DISP1: variants seen among roughly 807,000 people sequenced by gnomAD.
DISP1 encodes protein dispatched homolog 1.
A neutral mutation model predicts 37.3 loss-of-function variants in DISP1; 30 were observed. That is an observed-to-expected ratio of 0.80 (90% CI 0.60 to 1.09). DISP1 has a LOEUF of 1.09. DISP1 is among the 50% of genes least tolerant of loss of function. The pLI, the probability that DISP1 is intolerant of heterozygous loss-of-function variation, is 0.00. For missense variants in DISP1, 1,598 were observed against 1,879.5 expected, an observed-to-expected ratio of 0.85 and a Z score of 2.77; for synonymous variants, 634 against 690.2, an observed-to-expected ratio of 0.92 and a Z score of 1.28.
chr1:222,926,208 C>T (rs35712413), intron 1 of DISP1, among the ~76,000 whole-genome samples: 10,482 of 152,122 alleles, frequency 0.069, 514 homozygotes, highest in East Asian at 0.25. Context: ...TTTCACTTAA[C>T]GCAGTGTTTT....
Position 222,901,225 on chromosome 1 carries a change from C to A in DISP1, c.-158-27205C>A, listed in dbSNP as rs191805113. On this transcript the variant is annotated intron_variant, in intron 1 of 8. Coordinates refer to ENST00000675850, the MANE Select transcript of DISP1 (RefSeq NM_001377229.1). ...ATTCTTAGTGAAGTAGGTCATGAAC[C>A]AAACTTGAGGACGAAGGATTTGTGA... is the stretch of plus-strand genomic sequence containing the variant. Among the ~76,000 whole-genome samples the A allele has an allele frequency of 1.1e-4, 16 of 152,062 alleles. No individual in the cohort carries two copies. The East Asian group carries it at 2.9e-3, about 28-fold the overall frequency.
chr1:222,874,375 A>G (rs1314300291), intron 1 of DISP1, among the ~76,000 whole-genome samples: 1 of 152,182 alleles, frequency 6.6e-6, no homozygotes, highest in Non-Finnish European at 1.5e-5. Flanking sequence ...AGTGTTTTCC[A>G]ACTTGGTTCC....
intron 2 of DISP1, among the ~76,000 whole-genome samples, chr1:222,937,613 C>G (rs895646969): frequency 6.6e-6 from 1 of 151,868 alleles, no homozygotes; most frequent in Non-Finnish European, 1.5e-5. Flanking sequence ...CCTTGTAGCC[C>G]CAAAATTGCT....
At chr1:222,836,819 A>G (rs1667195948) in intron 1 of DISP1, 1 of 310,222 alleles carries the variant, frequency 3.2e-6, no homozygotes, top group African/African-American at 2.2e-5. Flanking sequence ...TGGAGACAGT[A>G]TTGGATCCAG....
At chr1:222,905,440 A>G (rs922648180) in intron 1 of DISP1, among the ~76,000 whole-genome samples, 5 of 152,186 alleles carry the variant, frequency 3.3e-5, no homozygotes, top group African/African-American at 9.6e-5. Context: ...GAATAACTGC[A>G]TTTTTCAAAT....
Position 223,004,332 on chromosome 1 carries a change from A to G in DISP1, c.2935A>G (p.Ser979Gly), listed in dbSNP as rs763341969. ...SNLEFYDLQD[S>G]LSDGTLIAMG... ...TCTGGAGTTCTATGACCTCCAGGAT[A>G]GCCTCTCCGATGGCACCCTCATTGC... Residue 979 changes from serine to glycine, a missense_variant, in exon 9 of 9, where the codon AGC becomes GGC. Coordinates refer to ENST00000675850, the MANE Select transcript of DISP1 (RefSeq NM_001377229.1). This position sits in a 1 kb window ranked among gnomAD's most constrained non-coding sequence, Gnocchi z 4.9. The G allele has an allele frequency of 6.2e-7, 1 of 1,614,216 alleles. No homozygotes were observed. The highest frequency in any genetic ancestry group is 1.1e-5 in the South Asian group (1 of 91,086).
intron 1 of DISP1, among the ~76,000 whole-genome samples, chr1:222,878,671 G>A (rs564460881): frequency 1.3e-5 from 2 of 152,198 alleles, no homozygotes; most frequent in African/African-American, 4.8e-5. Flanking sequence ...CTCAATATAG[G>A]TGCCTGTGTG....
At chr1:222,959,413 A>G (rs1443855345) in intron 3 of DISP1, among the ~76,000 whole-genome samples, 3 of 152,140 alleles carry the variant, frequency 2.0e-5, no homozygotes, top group Admixed American at 1.3e-4. Context: ...TTGCAAAATT[A>G]CTGTTGGCTG....
chr1:222,972,483 C>T (rs1311994812), intron 3 of DISP1, among the ~76,000 whole-genome samples: 1 of 152,080 alleles, frequency 6.6e-6, no homozygotes, highest in Non-Finnish European at 1.5e-5. Flanking sequence ...CTTCCTATTT[C>T]TATTATCCAC....
intron 1 of DISP1, among the ~76,000 whole-genome samples, chr1:222,819,308 C>T (rs79433876): frequency 0.01 from 1,588 of 152,170 alleles, 32 homozygotes; most frequent in African/African-American, 0.036. Flanking sequence ...ATAAATTACC[C>T]ATTCAGGTAG....
rs1572748666 is a variant in DISP1 at position 223,003,456 on chromosome 1, G to T, written c.2059G>T (p.Ala687Ser). 6.2e-7 allele frequency: 1 copy of T among 1,614,152 alleles called. No homozygotes were observed. Among genetic ancestry groups the T allele is most frequent in the Non-Finnish European group, 8.5e-7 (1 of 1,180,042 alleles). The change falls in exon 9 of 9, where the codon GCT (alanine) becomes TCT (serine). Residue 687 changes from alanine to serine, a missense_variant. Ala to Ser is a moderately conservative substitution (Grantham distance 99). Transcript: ENST00000675850. This position sits in a 1 kb window ranked among gnomAD's most constrained non-coding sequence, Gnocchi z 4.3. ...IYDNKSCWTV[A>S]CQKCHKVLFA... The stretch of plus-strand genomic sequence containing the variant: ...TGATAACAAAAGCTGCTGGACAGTG[G>T]CTTGCCAGAAGTGCCACAAAGTACT...
intron 1 of DISP1, among the ~76,000 whole-genome samples, chr1:222,874,273 G>A (rs1222247519): frequency 6.6e-6 from 1 of 152,084 alleles, no homozygotes; most frequent in Admixed American, 6.6e-5. Context: ...TCTTCTCGAG[G>A]AGTATCTTTG....
chr1:222,979,541 T>C (rs1677677005), intron 3 of DISP1: 1 of 466,254 alleles, frequency 2.1e-6, no homozygotes, highest in Non-Finnish European at 4.5e-6. Context: ...ATATGAATTA[T>C]ATCTCAATAA....
chr1:222,942,719 A>C, intron 2 of DISP1, 88 bp from the exon 3 acceptor site: 1 of 1,487,366 alleles, frequency 6.7e-7, no homozygotes, highest in Non-Finnish European at 9.3e-7. Context: ...CTCATTTTCA[A>C]TGAGCTGTTT....
chr1:222,932,937 CT>C (rs1383556714), intron 2 of DISP1, among the ~76,000 whole-genome samples: 1 of 151,934 alleles, frequency 6.6e-6, no homozygotes, highest in African/African-American at 2.4e-5. Flanking sequence ...AAGAGATAAA[CT>C]TCATTTTATA....
intron 1 of DISP1, among the ~76,000 whole-genome samples, chr1:222,820,224 T>C (rs1662483846): frequency 6.6e-6 from 1 of 151,994 alleles, no homozygotes; most frequent in African/African-American, 2.4e-5. Context: ...AGAATGGAGG[T>C]GGTATTCGGG....
intron 6 of DISP1, 59 bp downstream of exon 6, chr1:222,991,706 C>T (rs1249867866): frequency 3.2e-6 from 5 of 1,544,546 alleles, no homozygotes; most frequent in African/African-American, 1.4e-5. Flanking sequence ...ATGAATTCCT[C>T]TTCAAATACT....
rs1669450281 is a variant in DISP1 at position 222,870,104 on chromosome 1, A to G, written c.-159+55026A>G. On this transcript the variant is annotated intron_variant, in intron 1 of 8. Transcript: ENST00000675850. ...GGTTTCCAGCTTCATCCATGTCCCT[A>G]CAAAGGACATGAACTCACCATTTGT... is the stretch of plus-strand genomic sequence containing the variant. 2.0e-5 allele frequency among the ~76,000 whole-genome samples: 3 copies of G among 152,136 alleles called. No homozygotes were observed. The South Asian group carries it at 6.2e-4, about 32-fold the overall frequency.
intron 2 of DISP1, among the ~76,000 whole-genome samples, chr1:222,937,390 C>T (rs1674029966): frequency 6.6e-6 from 1 of 151,720 alleles, no homozygotes; most frequent in African/African-American, 2.4e-5. Flanking sequence ...GCGCCCTGCC[C>T]CTCTCTATAC....
Sources: allele counts gnomAD v4.1 joint callset (sites outside exome capture counted in the v4.1 genomes callset), GRCh38; gene constraint gnomAD v4.1.1; non-coding constraint Gnocchi (gnomAD v3.1); transcripts MANE v1.5; gene names NCBI Gene and HGNC (gene_info 2026-07-23, HGNC 2026-07-21).